NUP214: variants seen among roughly 807,000 people sequenced by gnomAD.
The protein encoded by NUP214 is nucleoporin 214, also known as nuclear pore complex protein Nup214.
A neutral mutation model predicts 196.2 loss-of-function variants in NUP214; 79 were observed. The observed-to-expected ratio is 0.40, with a 90% CI of 0.34 to 0.49. The LOEUF (loss-of-function observed/expected upper bound fraction) is 0.49. NUP214 is among the 20% of genes least tolerant of loss of function. The pLI, the probability that NUP214 is intolerant of heterozygous loss-of-function variation, is 0.58. For missense variants in NUP214, 2,468 were observed against 2,539.0 expected (o/e 0.97, Z 0.60); for synonymous variants, 1,020 against 990.5 (o/e 1.03, Z -0.56).
Position 131,144,548 on chromosome 9 carries a change from T to C in NUP214, c.1563T>C (p.Ser521=). The change falls in exon 12 of 36, where the codon TCT becomes TCC. Residue 521 remains serine (S), a synonymous_variant. Transcript: ENST00000359428. ...AAPGPGPSTF[S]FVPPSKASLA... ...CAGGCCCTGGCCCATCAACCTTCTC[T>C]TTTGTTCCCCCTTCTAAAGCCTCCC... 6.2e-7 allele frequency: 1 copy of C among 1,614,080 alleles called. No individual in the cohort carries two copies.
chr9:131,209,096 C>T (rs565226199), intron 30 of NUP214, among the ~76,000 whole-genome samples: 7 of 151,158 alleles, frequency 4.6e-5, no homozygotes, highest in Non-Finnish European at 7.4e-5. Context: ...TAAGGCTGGG[C>T]GCAGTGGCAC....
chr9:131,162,390 A>C (rs1377945480), intron 18 of NUP214, among the ~76,000 whole-genome samples: 2 of 152,210 alleles, frequency 1.3e-5, no homozygotes, highest in Non-Finnish European at 2.9e-5. Flanking sequence ...AAAAATTTCA[A>C]AGCTACTTAA....
At chr9:131,176,676 C>T (rs1588148038) in intron 23 of NUP214, among the ~76,000 whole-genome samples, 1 of 152,054 alleles carries the variant, frequency 6.6e-6, no homozygotes, top group Non-Finnish European at 1.5e-5. Context: ...CAGAAGGAAG[C>T]GCTAATAAGT....
chr9:131,141,100 T>C (rs1831899238), intron 11 of NUP214, among the ~76,000 whole-genome samples: 1 of 151,076 alleles, frequency 6.6e-6, no homozygotes, highest in African/African-American at 2.4e-5. Flanking sequence ...ATAAATGTTA[T>C]ATTTATTGAC....
intron 33 of NUP214, 102 bp downstream of exon 33, chr9:131,228,433 G>A: frequency 3.4e-6 from 4 of 1,164,988 alleles, no homozygotes; most frequent in South Asian, 1.7e-5. Context: ...TGAGGTGAAG[G>A]CCCCTCCCTT....
In NUP214 at chr9:131,198,858, G is replaced by C; in HGVS notation, c.5364G>C (p.Gln1788His). ...TSSSSSFSFG[Q>H]SSPNTGGGLF... ...GCTCCAGTTCCTTCTCATTTGGACA[G>C]TCTTCTCCCAACACAGGAGGGGGGC... Residue 1788 changes from glutamine to histidine, a missense_variant, in exon 29 of 36, where the codon CAG (glutamine) becomes CAC (histidine). Gln to His is a conservative substitution (Grantham distance 24). Transcript: ENST00000359428. The C allele has an allele frequency of 6.2e-7, 1 of 1,614,160 alleles. No homozygotes were observed. The highest frequency in any genetic ancestry group is 8.5e-7 in the Non-Finnish European group (1 of 1,180,036).
At position 131,198,820 on chromosome 9, in the gene NUP214, T is replaced by C. The variant is rs1042306667; in HGVS notation, c.5326T>C (p.Ser1776Pro). ...STSGSVFGAA[S>P]STSSSSSFSF... The stretch of plus-strand genomic sequence containing the variant: ...CAGTGGAAGTGTCTTTGGTGCCGCC[T>C]CAAGTACCAGTAGCTCCAGTTCCTT... Residue 1776 changes from serine (S) to proline (P), a missense_variant, in exon 29 of 36, where the codon TCA becomes CCA. Ser to Pro is a moderately conservative substitution (Grantham distance 74, BLOSUM62 -1). Transcript: ENST00000359428. The C allele has an allele frequency of 2.5e-6, 4 of 1,614,212 alleles. No homozygotes were observed. Among genetic ancestry groups the C allele is most frequent in the Non-Finnish European group, 3.4e-6 (4 of 1,180,030 alleles).
At chr9:131,138,132 TTCTC>T (rs577200616) in intron 9 of NUP214, among the ~76,000 whole-genome samples, 7 of 151,338 alleles carry the variant, frequency 4.6e-5, no homozygotes, top group East Asian at 1.9e-4. Flanking sequence ...CTTGCTTGCT[TTCTC>T]TCTCTCTCTC....
In NUP214 at chr9:131,144,400, T is replaced by C. The variant is rs1334060090; in HGVS notation, c.1415T>C (p.Leu472Ser). 2 of 1,614,192 alleles carry C rather than the reference T, an allele frequency of 1.2e-6. No homozygotes were observed. The highest frequency in any genetic ancestry group is 2.2e-5 in the South Asian group (2 of 91,076). Residue 472 changes from leucine (L) to serine (S), a missense_variant, in exon 12 of 36, where the codon TTG becomes TCG. Transcript: ENST00000359428. ...SPAAPIATFS[L>S]LPAGGAPTVF... ...GCTGCTCCCATTGCCACTTTTTCTT[T>C]GCTTCCTGCTGGTGGAGCCCCCACT...
intron 30 of NUP214, among the ~76,000 whole-genome samples, chr9:131,212,032 G>GAACA (rs1387567964): frequency 6.6e-6 from 1 of 152,158 alleles, no homozygotes; most frequent in East Asian, 1.9e-4. Context: ...TCTCAGCAAG[G>GAACA]AACAGCCCTG....
At chr9:131,184,726 A>G (rs556895929) in intron 24 of NUP214, among the ~76,000 whole-genome samples, 86 of 152,342 alleles carry the variant, frequency 5.6e-4, no homozygotes, top group Non-Finnish European at 1.1e-3. Context: ...ACATTCATGC[A>G]GGAAATACAA....
At chr9:131,160,540 T>C (rs1490526652) in intron 18 of NUP214, among the ~76,000 whole-genome samples, 1 of 152,204 alleles carries the variant, frequency 6.6e-6, no homozygotes, top group African/African-American at 2.4e-5. Context: ...AAGTGCCCAT[T>C]AGAAATTTGA....
intron 32 of NUP214, 100 bp downstream of exon 32, chr9:131,223,030 G>A: frequency 8.6e-7 from 1 of 1,162,246 alleles, no homozygotes; most frequent in African/African-American, 1.6e-5. Context: ...TCTTAAGAGA[G>A]TAGGATTGGA....
At chr9:131,196,543 C>T (rs1299198289) in intron 28 of NUP214, among the ~76,000 whole-genome samples, 1 of 152,114 alleles carries the variant, frequency 6.6e-6, no homozygotes, top group African/African-American at 2.4e-5. Context: ...ATCTTTGTAA[C>T]AGCACAATGA....
At chr9:131,188,700 G>C (rs1383227080) in intron 25 of NUP214, among the ~76,000 whole-genome samples, 1 of 152,216 alleles carries the variant, frequency 6.6e-6, no homozygotes, top group African/African-American at 2.4e-5. Context: ...TTGAGAGCTA[G>C]AACCATTTTA....
intron 21 of NUP214, among the ~76,000 whole-genome samples, chr9:131,169,342 C>T (rs546684961): frequency 5.1e-4 from 77 of 152,128 alleles, no homozygotes; most frequent in African/African-American, 1.8e-3. Flanking sequence ...CCTCTGCTTA[C>T]ATTTAAATTA....
At chr9:131,184,867 T>C (rs1833407055) in intron 24 of NUP214, among the ~76,000 whole-genome samples, 1 of 152,238 alleles carries the variant, frequency 6.6e-6, no homozygotes, top group Admixed American at 6.5e-5. Flanking sequence ...GAATTGAATA[T>C]AGAGTGTTTG....
Position 131,232,483 on chromosome 9 carries a change from CTG to C in NUP214, c.6239+177_6239+178del. On this transcript the variant is annotated intron_variant, in intron 35 of 35. Transcript: ENST00000359428. This position sits in a 1 kb window ranked among gnomAD's most constrained non-coding sequence, Gnocchi z 5.1. ...TTGGGTTTTGTGGACTTGCTCTTCT[CTG>C]TAGCAATATGGCAGGAGGTGCCAGG... 1.4e-6 allele frequency: 1 copy of C among 697,926 alleles called. No homozygotes were observed. The highest frequency in any genetic ancestry group is 2.6e-6 in the Non-Finnish European group (1 of 388,396). 43.2% of individuals were successfully genotyped at this position (697,926 alleles called of 1,614,324 possible). A position where few individuals can be genotyped will look rare whatever the true frequency, so the allele number is the denominator to read the frequency against.
At chr9:131,190,434 A>G (rs1334589709) in intron 26 of NUP214, 3 of 692,658 alleles carry the variant, frequency 4.3e-6, no homozygotes, top group Non-Finnish European at 5.2e-6. Flanking sequence ...TGATCATGAA[A>G]TCCTCTCTTT....
Sources: allele counts gnomAD v4.1 joint callset (sites outside exome capture counted in the v4.1 genomes callset), GRCh38; gene constraint gnomAD v4.1.1; non-coding constraint Gnocchi (gnomAD v3.1); transcripts MANE v1.5; gene names NCBI Gene and HGNC (gene_info 2026-07-23, HGNC 2026-07-21).